Variants in ZWILCH observed in about 807,000 individuals in gnomAD.
ZWILCH encodes the protein zwilch kinetochore protein.
Under a neutral mutation model 79.9 loss-of-function variants are expected in ZWILCH, and 74 were observed. That is an observed-to-expected ratio of 0.93 (90% confidence interval 0.77 to 1.12). The LOEUF (loss-of-function observed/expected upper bound fraction) is 1.12, where lower values mean the gene tolerates loss of function less well. ZWILCH is among the 50% of genes most tolerant of loss of function. The pLI, the probability that ZWILCH is intolerant of heterozygous loss-of-function variation, is 0.00. For missense variants in ZWILCH, 694 were observed against 687.5 expected, an observed-to-expected ratio of 1.01 and a Z score of -0.11; for synonymous variants, 241 against 228.2, an observed-to-expected ratio of 1.06 and a Z score of -0.51.
intron 17 of ZWILCH, among the ~76,000 whole-genome samples, chr15:66,541,075 T>C (rs965150888): frequency 6.8e-6 from 1 of 147,454 alleles, no homozygotes; most frequent in Non-Finnish European, 1.5e-5. Context: ...ACTCAGGAGT[T>C]AGAGACCAGC....
intron 17 of ZWILCH, among the ~76,000 whole-genome samples, chr15:66,544,034 T>C (rs1895273533): frequency 6.6e-6 from 1 of 152,028 alleles, no homozygotes; most frequent in Non-Finnish European, 1.5e-5. Context: ...CCAAGGCGGG[T>C]GGATCACCTG....
Position 66,532,266 on chromosome 15 carries a change from G to A in ZWILCH, c.1175G>A (p.Ser392Asn), listed in dbSNP as rs559367350. ...IQPWLHSGSN[S>N]LLSKLIHQSY... ...TTCTAGCTCCATAGTGGAAGTAACA[G>A]TTTACTAAGTAAGCTCATTCATCAG... The change falls in exon 13 of 19, where the codon AGT (serine) becomes AAT (asparagine). Residue 392 changes from serine (S) to asparagine (N), a missense_variant. Ser to Asn is a conservative substitution (Grantham distance 46). Coordinates refer to ENST00000307897, the MANE Select transcript of ZWILCH (RefSeq NM_017975.5). The A allele has an allele frequency of 1.5e-5, 24 of 1,595,588 alleles. 1 individual carries two copies. In the South Asian group the frequency reaches 2.5e-4, roughly 17 times the overall value.
At chr15:66,511,704 C>T (rs1567040382) in intron 2 of ZWILCH, among the ~76,000 whole-genome samples, 1 of 152,026 alleles carries the variant, frequency 6.6e-6, no homozygotes, top group Non-Finnish European at 1.5e-5. Context: ...GTACCTCTGC[C>T]TCCCAGGTTC....
intron 4 of ZWILCH, among the ~76,000 whole-genome samples, chr15:66,517,172 T>C (rs977378592): frequency 6.6e-6 from 1 of 152,042 alleles, no homozygotes; most frequent in African/African-American, 2.4e-5. Context: ...GTGCATGAAC[T>C]TCTGTATATC....
Position 66,548,456 on chromosome 15 carries a change from TCTCTTATGAAG to T in ZWILCH, c.*136_*146del, listed in dbSNP as rs1567056395. On this transcript the variant is annotated 3_prime_UTR_variant, in exon 19 of 19. Coordinates refer to ENST00000307897, the MANE Select transcript of ZWILCH (RefSeq NM_017975.5). The stretch of plus-strand genomic sequence containing the variant: ...GAAAAGGGAGGAAGATCCTGAAGAT[TCTCTTATGAAG>T]CTCCAAAATTGATAATCCTGTCTCA... 8.4e-7 allele frequency: 1 copy of T among 1,183,752 alleles called. No individual in the cohort carries two copies. The highest frequency in any genetic ancestry group is 1.2e-6 in the Non-Finnish European group (1 of 801,504). The allele number at this position is 1,183,752 out of a possible 1,614,324, so 73.3% of individuals were successfully genotyped here.
chr15:66,517,285 T>C (rs1894300779), intron 4 of ZWILCH, among the ~76,000 whole-genome samples: 1 of 151,582 alleles, frequency 6.6e-6, no homozygotes, highest in South Asian at 2.1e-4. Flanking sequence ...TCTTTCTAGA[T>C]AGATATATGC....
At chr15:66,512,433 T>G (rs1051296782) in intron 2 of ZWILCH, among the ~76,000 whole-genome samples, 3 of 151,846 alleles carry the variant, frequency 2.0e-5, no homozygotes, top group Non-Finnish European at 4.4e-5. Flanking sequence ...TTTTTTTTTT[T>G]TTTAAGAGAC....
Position 66,518,926 on chromosome 15 carries a change from A to C in ZWILCH, c.368A>C (p.His123Pro). 1 of 1,614,232 alleles carries C rather than the reference A, an allele frequency of 6.2e-7. No individual in the cohort carries two copies. The highest frequency in any genetic ancestry group is 8.5e-7 in the Non-Finnish European group (1 of 1,180,042). ...ATGGCTCACAATCCTAATATGACCC[A>C]TTTGAAGATTAATCTGCCAGTTACT... ...YTMAHNPNMT[H>P]LKINLPVTAL... The change falls in exon 5 of 19, where the codon CAT (histidine) becomes CCT (proline). Residue 123 changes from histidine to proline, a missense_variant. By Grantham distance (77) the His-to-Pro change is moderately conservative. Transcript: ENST00000307897.
At chr15:66,508,293 CA>C (rs1396494885) in intron 1 of ZWILCH, among the ~76,000 whole-genome samples, 1 of 152,158 alleles carries the variant, frequency 6.6e-6, no homozygotes, top group Non-Finnish European at 1.5e-5. Context: ...CCTGGAGTTT[CA>C]TGCTTACATT....
rs1164825186 is a variant in ZWILCH at position 66,529,555 on chromosome 15, T to G, written c.1137T>G (p.Arg379=). The G allele has an allele frequency of 6.2e-7, 1 of 1,613,868 alleles. No individual in the cohort carries two copies. The highest frequency in any genetic ancestry group is 8.5e-7 in the Non-Finnish European group (1 of 1,179,810). ...CATTGATCATCCAGAGTCTACAACG[T>G]GGTGATATACAGCCATGGGTAGGTT... The part of the protein sequence containing the change: ...CFTLIIQSLQ[R]GDIQPWLHSG... The change falls in exon 12 of 19, where the codon CGT becomes CGG. Residue 379 remains arginine (R), a synonymous_variant. Coordinates refer to ENST00000307897, the MANE Select transcript of ZWILCH (RefSeq NM_017975.5).
Position 66,537,241 on chromosome 15 carries a change from G to A in ZWILCH, c.1552G>A (p.Ala518Thr). The A allele has an allele frequency of 6.2e-7, 1 of 1,613,014 alleles. No homozygotes were observed. The highest frequency in any genetic ancestry group is 8.5e-7 in the Non-Finnish European group (1 of 1,179,788). Reference protein sequence around the residue: ...HIFQLPVRPTAVKNLYQSEKP... With the variant: ...HIFQLPVRPTTVKNLYQSEKP... ...TTTTCAGCTGCCAGTCAGACCAACT[G>A]CTGTAAAGAACTTATATCAAAGGTA... Residue 518 changes from alanine (A) to threonine (T), a missense_variant, in exon 16 of 19, where the codon GCT becomes ACT. By Grantham distance (58) the Ala-to-Thr change is moderately conservative. Transcript: ENST00000307897.
chr15:66,523,721 T>C lies in ZWILCH; in HGVS notation c.792T>C (p.His264=). The C allele has an allele frequency of 2.5e-6, 4 of 1,612,562 alleles. No individual in the cohort carries two copies. The highest frequency in any genetic ancestry group is 3.4e-6 in the Non-Finnish European group (4 of 1,179,016). The change falls in exon 8 of 19, where the codon CAT becomes CAC. Residue 264 remains histidine (H), a synonymous_variant. Coordinates refer to ENST00000307897, the MANE Select transcript of ZWILCH (RefSeq NM_017975.5). ...ESGEPRGPLN[H]LYRELKFLLV... ...GAGAGCCCAGAGGTCCTTTGAATCA[T>C]CTCTACAGAGAACTGAAATTTCTTC...
chr15:66,538,594 G>A (rs889791221), intron 16 of ZWILCH, among the ~76,000 whole-genome samples: 2 of 152,078 alleles, frequency 1.3e-5, no homozygotes, highest in Non-Finnish European at 2.9e-5. Flanking sequence ...TGTTGGCCAG[G>A]CTGGTCTCAA....
In ZWILCH at chr15:66,549,409, A is replaced by T. The variant is rs1895509981; in HGVS notation, c.*1085A>T. ...TTCCATCTTTGCTACCACATTAAAG[A>T]TGAGCTTGTTAAAAAGGAAAGCATA... On this transcript the variant is annotated 3_prime_UTR_variant, in exon 19 of 19. Transcript: ENST00000307897. The T allele has an allele frequency of 6.6e-6, 1 of 152,244 alleles. No homozygotes were observed. Among genetic ancestry groups the T allele is most frequent in the South Asian group, 2.1e-4 (1 of 4,834 alleles). 9.4% of individuals were successfully genotyped at this position (152,244 alleles called of 1,614,324 possible). A position where few individuals can be genotyped will look rare whatever the true frequency, so the allele number is the denominator to read the frequency against.
intron 8 of ZWILCH, among the ~76,000 whole-genome samples, 177 bp from the exon 9 acceptor site, chr15:66,527,113 A>T (rs1375427324): frequency 2.0e-5 from 3 of 152,352 alleles, no homozygotes; most frequent in Admixed American, 2.0e-4. Flanking sequence ...AATATCTACC[A>T]TAGAGTTTTG....
At chr15:66,528,364 A>G (rs1335308120) in intron 10 of ZWILCH, among the ~76,000 whole-genome samples, 2 of 152,216 alleles carry the variant, frequency 1.3e-5, no homozygotes, top group African/African-American at 4.8e-5. Flanking sequence ...TTGGCCTCCC[A>G]AAGTGCTGGG....
At chr15:66,529,132 A>G (rs749899561) in intron 11 of ZWILCH, among the ~76,000 whole-genome samples, 175 bp downstream of exon 11, 3 of 152,224 alleles carry the variant, frequency 2.0e-5, no homozygotes, top group Non-Finnish European at 4.4e-5. Flanking sequence ...GTACTAAGAC[A>G]AAGTAATTTG....
intron 7 of ZWILCH, among the ~76,000 whole-genome samples, chr15:66,522,646 T>C (rs1894538799): frequency 6.6e-6 from 1 of 152,136 alleles, no homozygotes; most frequent in Non-Finnish European, 1.5e-5. Flanking sequence ...ATACAGTCTC[T>C]AAAAGCCTGT....
In ZWILCH at chr15:66,550,000, G is replaced by C. The variant is rs1476886776; in HGVS notation, c.*1676G>C. 7.4e-6 allele frequency: 10 copies of C among 1,357,350 alleles called. No individual in the cohort carries two copies. Among genetic ancestry groups the C allele is most frequent in the Non-Finnish European group, 9.1e-6 (9 of 987,088 alleles). The allele number at this position is 1,357,350 out of a possible 1,614,324, so 84.1% of individuals were successfully genotyped here. Reference sequence around the variant, plus strand: ...TGAAAATGATATGTATAATTATTTAGTTTAATTATTAAAGGAAAACATTGA... The same window carrying C: ...TGAAAATGATATGTATAATTATTTACTTTAATTATTAAAGGAAAACATTGA... On this transcript the variant is annotated 3_prime_UTR_variant, in exon 19 of 19. Transcript: ENST00000307897.
Sources: gnomAD v4.1 joint callset for allele counts (sites outside exome capture counted in the v4.1 genomes callset) on GRCh38, gnomAD v4.1.1 for gene constraint, MANE v1.5 for transcripts, NCBI Gene and HGNC (gene_info 2026-07-23, HGNC 2026-07-21) for gene names.